The following GALNT3 variants were observed in gnomAD, a reference collection of about 807,000 sequenced individuals.
GALNT3 encodes the protein GalNAc transferase 3.
In GALNT3, 51 loss-of-function variants were observed where a neutral mutation model predicts 69.8. The observed-to-expected ratio is 0.73, with a 90% confidence interval of 0.58 to 0.92. GALNT3 has a LOEUF of 0.92. Ranked by LOEUF, GALNT3 falls within the 40% of genes least tolerant of loss-of-function variation. The pLI is 0.00. For synonymous variants in GALNT3, 265 were observed against 248.5 expected, an observed-to-expected ratio of 1.07 and a Z score of -0.63; for missense variants, 711 against 760.0, an observed-to-expected ratio of 0.94 and a Z score of 0.76.
At chr2:165,769,273 C>T (rs1434098004) in intron 2 of GALNT3, among the ~76,000 whole-genome samples, 2 of 146,168 alleles carry the variant, frequency 1.4e-5, no homozygotes, top group South Asian at 2.2e-4. Context: ...GGACGTGGTG[C>T]CACATGCCTG....
At chr2:165,790,651 C>T (rs558763698) in intron 1 of GALNT3, among the ~76,000 whole-genome samples, 1 of 151,958 alleles carries the variant, frequency 6.6e-6, no homozygotes, top group African/African-American at 2.4e-5. Flanking sequence ...ATATTTCACC[C>T]ACCAAGAATG....
At chr2:165,779,546 T>C (rs1683056247) in intron 1 of GALNT3, among the ~76,000 whole-genome samples, 1 of 152,220 alleles carries the variant, frequency 6.6e-6, no homozygotes, top group African/African-American at 2.4e-5. Flanking sequence ...ATTGTAGTCA[T>C]TGCTGTGACT....
At chr2:165,787,462 C>T (rs1189930854) in intron 1 of GALNT3, among the ~76,000 whole-genome samples, 1 of 152,132 alleles carries the variant, frequency 6.6e-6, no homozygotes, top group Non-Finnish European at 1.5e-5. Flanking sequence ...AACATAACCA[C>T]ATATTTTGAA....
chr2:165,758,690 A>G (rs1688489662), intron 6 of GALNT3, 57 bp downstream of exon 6: 1 of 1,105,016 alleles, frequency 9.0e-7, no homozygotes, highest in Non-Finnish European at 1.4e-6. Context: ...AGCCGATTAG[A>G]ACACAATATA....
intron 7 of GALNT3, 116 bp from the exon 8 acceptor site, chr2:165,755,179 T>C: frequency 1.0e-6 from 1 of 987,560 alleles, no homozygotes; most frequent in Non-Finnish European, 1.5e-6. Context: ...TGCTAAAAAT[T>C]CAAGAGGCAA....
rs889988651 is a variant in GALNT3, at chr2:165,756,492, A to C, written c.1392+555T>G. ...CAGCATGCGTATTTCATCTCTTAAA[A>C]CAGGGAAGGAGAGAAAAGAAATATG... On this transcript the variant is annotated intron_variant, in intron 7 of 10. Transcript: ENST00000392701. 3.9e-5 allele frequency among the ~76,000 whole-genome samples: 6 copies of C among 152,176 alleles called. No homozygotes were observed. In the South Asian group the frequency reaches 8.3e-4, roughly 21 times the overall value.
intron 8 of GALNT3, 48 bp from the exon 9 acceptor site, chr2:165,754,776 T>A (rs1244718001): frequency 2.1e-6 from 3 of 1,406,600 alleles, no homozygotes; most frequent in Non-Finnish European, 2.9e-6. Flanking sequence ...TCCATGTGAT[T>A]TATATATTTT....
At chr2:165,768,764 T>C (rs548366779) in intron 2 of GALNT3, among the ~76,000 whole-genome samples, 16 of 151,652 alleles carry the variant, frequency 1.1e-4, no homozygotes, top group Non-Finnish European at 2.1e-4. Flanking sequence ...ACAGGCATTG[T>C]TTGCTTCCAG....
At chr2:165,764,828 T>C (rs1688609067) in intron 3 of GALNT3, 56 bp downstream of exon 3, 1 of 1,567,188 alleles carries the variant, frequency 6.4e-7, no homozygotes, top group Non-Finnish European at 8.8e-7. Context: ...CCAAGTAGAC[T>C]GTAGATACCA....
intron 2 of GALNT3, among the ~76,000 whole-genome samples, chr2:165,766,150 A>G (rs1006571237): frequency 6.6e-6 from 1 of 152,188 alleles, no homozygotes; most frequent in African/African-American, 2.4e-5. Context: ...CATGTGTTAA[A>G]GATTTTGCTC....
intron 1 of GALNT3, among the ~76,000 whole-genome samples, chr2:165,793,094 C>G (rs1683386469): frequency 6.6e-6 from 1 of 152,126 alleles, no homozygotes; most frequent in Non-Finnish European, 1.5e-5. Flanking sequence ...AAATAAAAGT[C>G]TAAGGTAAGC....
At chr2:165,767,548 T>C (rs542398449) in intron 2 of GALNT3, among the ~76,000 whole-genome samples, 182 of 152,318 alleles carry the variant, frequency 1.2e-3, no homozygotes, top group Admixed American at 2.9e-3. Flanking sequence ...AAATGTCATA[T>C]CAATACAAGT....
intron 1 of GALNT3, among the ~76,000 whole-genome samples, chr2:165,790,941 A>C (rs1006600507): frequency 6.6e-6 from 1 of 152,184 alleles, no homozygotes; most frequent in African/African-American, 2.4e-5. Context: ...CTCAGTCATA[A>C]AACTTTAAGA....
intron 4 of GALNT3, among the ~76,000 whole-genome samples, chr2:165,760,765 C>T (rs191588866): frequency 6.6e-6 from 1 of 152,176 alleles, no homozygotes; most frequent in East Asian, 1.9e-4. Flanking sequence ...ATAACCTAAG[C>T]ACTGGCCAAT....
rs1688501094 is a variant in GALNT3, at chr2:165,759,319, G to C, written c.1073+17C>G. The C allele has an allele frequency of 6.3e-6, 10 of 1,586,030 alleles. No individual in the cohort carries two copies. The highest frequency in any genetic ancestry group is 4.5e-5 in the East Asian group (2 of 44,612). ...GTATAGGGTGTAAATATAAGACTCT[G>C]AGAGCAATCATCTTACTTAATTGGG... On this transcript the variant is annotated intron_variant, in intron 5 of 10. Coordinates refer to ENST00000392701, the MANE Select transcript of GALNT3 (RefSeq NM_004482.4).
chr2:165,760,454 C>A (rs1362428563), intron 4 of GALNT3, among the ~76,000 whole-genome samples: 1 of 152,132 alleles, frequency 6.6e-6, no homozygotes, highest in East Asian at 1.9e-4. Flanking sequence ...TCTGGGCTCC[C>A]CACAAAGCAG....
Position 165,770,510 on chromosome 2 carries a change from T to A in GALNT3, c.191A>T (p.Asp64Val), listed in dbSNP as rs372745199. Reference sequence around the variant, plus strand: ...ATTGTTTACAGCTTCTAGCATTAAATCCAACATCTTGTTTTTGTTTTTCAT... The same window carrying A: ...ATTGTTTACAGCTTCTAGCATTAAAACCAACATCTTGTTTTTGTTTTTCAT... ...RNMKNKNKML[D>V]LMLEAVNNIK... Residue 64 changes from aspartate (D) to valine (V), a missense_variant, in exon 2 of 11, where the codon GAT becomes GTT. Asp to Val is a radical substitution (Grantham distance 152, BLOSUM62 -3). Transcript: ENST00000392701. 2.9e-5 allele frequency: 47 copies of A among 1,614,100 alleles called. No homozygotes were observed. In the Middle Eastern group the frequency reaches 4.9e-4, roughly 17 times the overall value.
At position 165,792,282 on chromosome 2, in the gene GALNT3, A is replaced by C. The variant is rs4621175; in HGVS notation, c.-109+1733T>G. On this transcript the variant is annotated intron_variant, in intron 1 of 10. Transcript: ENST00000392701. ...AGTTACACTGTTACTCTAGCTAATG[A>C]AAACATGTTACATTTCTCACTAGAG... Among the ~76,000 whole-genome samples, 122,012 of 152,120 alleles carry C rather than the reference A, an allele frequency of 0.8. 49,811 individuals are homozygous for C. The highest frequency in any genetic ancestry group is 0.89 in the Non-Finnish European group (60,565 of 68,006).
chr2:165,774,056 A>C (rs138636501), intron 1 of GALNT3, among the ~76,000 whole-genome samples: 21 of 152,326 alleles, frequency 1.4e-4, no homozygotes, highest in African/African-American at 5.1e-4. Context: ...ATAGGGCAGC[A>C]ACCTCACCTA....
Sources: gnomAD v4.1 joint callset for allele counts (sites outside exome capture counted in the v4.1 genomes callset) on GRCh38, gnomAD v4.1.1 for gene constraint, MANE v1.5 for transcripts, NCBI Gene and HGNC (gene_info 2026-07-23, HGNC 2026-07-21) for gene names.